PRUNE2: variants seen among roughly 807,000 people sequenced by gnomAD.
The protein encoded by PRUNE2 is prune homolog 2 with BCH domain, also known as protein prune homolog 2.
PRUNE2 carries 164 observed loss-of-function variants against 252.0 expected under a neutral mutation model. That is an observed-to-expected ratio of 0.65 (90% CI 0.57 to 0.74). The LOEUF is 0.74. Among genes scored for constraint, PRUNE2 ranks in the 30% least tolerant of loss-of-function variants. PRUNE2 has a pLI of 0.00. For missense variants in PRUNE2, 3,495 were observed against 3,711.0 expected (o/e 0.94, Z 1.51); for synonymous variants, 1,292 against 1,350.2 (o/e 0.96, Z 0.94).
intron 9 of PRUNE2, among the ~76,000 whole-genome samples, chr9:76,656,650 C>T (rs1214993883): frequency 6.6e-6 from 1 of 152,098 alleles, no homozygotes; most frequent in Non-Finnish European, 1.5e-5. Flanking sequence ...CTACTATGTG[C>T]CGAGGATATA....
chr9:76,676,242 A>T (rs1355205552), intron 9 of PRUNE2, among the ~76,000 whole-genome samples: 1 of 22,464 alleles, frequency 4.5e-5, no homozygotes, highest in Non-Finnish European at 1.2e-4. Context: ...TTGTGAAAAC[A>T]TTAAAAAAAA....
At chr9:76,816,164 A>AG (rs1340006180) in intron 6 of PRUNE2, among the ~76,000 whole-genome samples, 5 of 87,058 alleles carry the variant, frequency 5.7e-5, no homozygotes, top group Non-Finnish European at 2.9e-5. Flanking sequence ...CTCCATCTCC[A>AG]AAAAAAAAAA....
At chr9:76,643,080 C>T (rs1343693470) in intron 12 of PRUNE2, among the ~76,000 whole-genome samples, 1 of 152,202 alleles carries the variant, frequency 6.6e-6, no homozygotes. Context: ...TGTTACAAGA[C>T]TGTGACAGGC....
At chr9:76,815,932 G>A (rs760002847) in intron 6 of PRUNE2, among the ~76,000 whole-genome samples, 16 of 152,118 alleles carry the variant, frequency 1.1e-4, no homozygotes, top group Non-Finnish European at 1.8e-4. Flanking sequence ...AGGTTGAGGC[G>A]GGTGGATCAC....
At chr9:76,644,105 G>T (rs1843728166) in intron 12 of PRUNE2, among the ~76,000 whole-genome samples, 1 of 152,042 alleles carries the variant, frequency 6.6e-6, no homozygotes. Flanking sequence ...ATTAATCAAG[G>T]CCACATATGC....
chr9:76,757,241 A>G (rs1040179070), intron 6 of PRUNE2, among the ~76,000 whole-genome samples: 1 of 152,218 alleles, frequency 6.6e-6, no homozygotes, highest in African/African-American at 2.4e-5. Context: ...GAGATTGTGA[A>G]TGGTCTGCAG....
Position 76,898,369 on chromosome 9 carries a change from A to G in PRUNE2, c.36+7559T>C, listed in dbSNP as rs188933405. The stretch of plus-strand genomic sequence containing the variant: ...GCTGCTCTCAGGGAGGTCAGCAATC[A>G]TCAAGGATGGGAACACAGACAATCT... On this transcript the variant is annotated intron_variant, in intron 1 of 18. Coordinates refer to ENST00000376718, the MANE Select transcript of PRUNE2 (RefSeq NM_015225.3). Among the ~76,000 whole-genome samples, 1,054 of 152,332 alleles carry G rather than the reference A, an allele frequency of 6.9e-3. 5 individuals are homozygous for G. The highest frequency in any genetic ancestry group is 0.012 in the Non-Finnish European group (842 of 68,030).
intron 6 of PRUNE2, among the ~76,000 whole-genome samples, chr9:76,763,150 T>C (rs1255053233): frequency 1.3e-5 from 2 of 152,192 alleles, no homozygotes; most frequent in African/African-American, 4.8e-5. Flanking sequence ...GGCAGCATTA[T>C]AGCATCATGA....
Position 76,614,675 on chromosome 9 carries a change from T to A in PRUNE2, c.9237-75A>T, listed in dbSNP as rs1828591579. On this transcript the variant is annotated intron_variant, in intron 18 of 18. Coordinates refer to ENST00000376718, the MANE Select transcript of PRUNE2 (RefSeq NM_015225.3). ...CATTTAGTAATGATTTGGGTAGCACTGTGTTTGCTTTTTTCCTCAAAGGAC... is the reference window on the plus strand; with the variant it reads ...CATTTAGTAATGATTTGGGTAGCACAGTGTTTGCTTTTTTCCTCAAAGGAC... The A allele has an allele frequency of 6.1e-6, 7 of 1,146,592 alleles. No individual in the cohort carries two copies. In the Admixed American group the frequency reaches 1.4e-4, roughly 23 times the overall value. 71.0% of individuals were successfully genotyped at this position (1,146,592 alleles called of 1,614,324 possible).
At chr9:76,749,853 C>T (rs541412735) in intron 6 of PRUNE2, among the ~76,000 whole-genome samples, 3 of 152,290 alleles carry the variant, frequency 2.0e-5, no homozygotes, top group African/African-American at 7.2e-5. Context: ...TGTGAAAGGG[C>T]AGACTGGAAA....
intron 6 of PRUNE2, among the ~76,000 whole-genome samples, chr9:76,735,955 C>G (rs185552263): frequency 9.2e-5 from 14 of 152,266 alleles, no homozygotes; most frequent in African/African-American, 3.4e-4. Flanking sequence ...CATTTGTTCT[C>G]ATTTGAGGTT....
chr9:76,678,461 G>A (rs1443692865), intron 9 of PRUNE2, among the ~76,000 whole-genome samples: 1 of 151,972 alleles, frequency 6.6e-6, no homozygotes, highest in Non-Finnish European at 1.5e-5. Flanking sequence ...AGATTTCTTG[G>A]TCAAAATGAG....
intron 6 of PRUNE2, among the ~76,000 whole-genome samples, chr9:76,766,867 C>T (rs1305999261): frequency 6.6e-6 from 1 of 152,198 alleles, no homozygotes; most frequent in African/African-American, 2.4e-5. Context: ...CTACCACTGT[C>T]ACTGTCAACT....
chr9:76,904,278 G>T (rs529860937), intron 1 of PRUNE2, among the ~76,000 whole-genome samples: 1 of 151,768 alleles, frequency 6.6e-6, no homozygotes, highest in Non-Finnish European at 1.5e-5. Context: ...CTAATGAAGG[G>T]TAAATAAATT....
chr9:76,717,060 C>T (rs1166521469), intron 6 of PRUNE2, among the ~76,000 whole-genome samples: 1 of 152,170 alleles, frequency 6.6e-6, no homozygotes, highest in African/African-American at 2.4e-5. Flanking sequence ...CAGTTTTCCC[C>T]TGGGTGACCC....
chr9:76,658,366 C>G (rs542076672), intron 9 of PRUNE2, among the ~76,000 whole-genome samples: 4 of 152,204 alleles, frequency 2.6e-5, no homozygotes, highest in East Asian at 1.9e-4. Context: ...CCCACTCCCC[C>G]CCAAAAAGAA....
At chr9:76,841,191 C>T (rs1019394678) in intron 4 of PRUNE2, among the ~76,000 whole-genome samples, 3 of 152,108 alleles carry the variant, frequency 2.0e-5, no homozygotes, top group African/African-American at 7.2e-5. Flanking sequence ...TGGGGTATCG[C>T]CTCACCCAGG....
chr9:76,701,743 A>T (rs2134718819), intron 9 of PRUNE2, among the ~76,000 whole-genome samples: 1 of 152,300 alleles, frequency 6.6e-6, no homozygotes, highest in Middle Eastern at 3.4e-3. Context: ...AATCCTCAAC[A>T]TACCCCAGCT....
chr9:76,859,083 C>T (rs976619579), intron 1 of PRUNE2, among the ~76,000 whole-genome samples: 1 of 152,108 alleles, frequency 6.6e-6, no homozygotes, highest in African/African-American at 2.4e-5. Flanking sequence ...CCCAGTGCTC[C>T]CCAAACCCAA....
Sources: allele counts gnomAD v4.1 joint callset (sites outside exome capture counted in the v4.1 genomes callset), GRCh38; gene constraint gnomAD v4.1.1; transcripts MANE v1.5; gene names NCBI Gene and HGNC (gene_info 2026-07-23, HGNC 2026-07-21).